The following ANKS1B variants were observed in gnomAD, a reference collection of about 807,000 sequenced individuals.
ANKS1B encodes the protein ankyrin repeat and sterile alpha motif domain containing 1B.
A neutral mutation model predicts 148.3 loss-of-function variants in ANKS1B; 36 were observed. The ratio of observed to expected loss-of-function variants is 0.24; its 90% CI spans 0.19 to 0.32. ANKS1B has a LOEUF of 0.32. Ranked by LOEUF, ANKS1B falls within the 10% of genes least tolerant of loss-of-function variation. ANKS1B has a pLI of 1.00. For missense variants in ANKS1B, 1,157 were observed against 1,542.6 expected, an observed-to-expected ratio of 0.75 and a Z score of 4.19; for synonymous variants, 542 against 560.8, an observed-to-expected ratio of 0.97 and a Z score of 0.47.
chr12:99,168,911 A>G lies in ANKS1B; in HGVS notation c.2420-14516T>C, dbSNP rs148739860. On this transcript the variant is annotated intron_variant, in intron 14 of 26. Coordinates refer to ENST00000683438, the MANE Select transcript of ANKS1B (RefSeq NM_001352186.2). ...GTCTGAAAACTGTCATAACTGCATT[A>G]AAATAAACCCATAATATTAGTTTAG... Among the ~76,000 whole-genome samples, 28 of 152,374 alleles carry G rather than the reference A, an allele frequency of 1.8e-4. No homozygotes were observed. In the East Asian group the frequency reaches 5.4e-3, roughly 29 times the overall value.
At chr12:99,088,502 T>G (rs2052759404) in intron 15 of ANKS1B, among the ~76,000 whole-genome samples, 1 of 152,206 alleles carries the variant, frequency 6.6e-6, no homozygotes, top group Non-Finnish European at 1.5e-5. Context: ...TTTCAGAATT[T>G]GTAACCTAAA....
chr12:99,565,945 G>A (rs1451945277), intron 9 of ANKS1B, among the ~76,000 whole-genome samples: 2 of 152,126 alleles, frequency 1.3e-5, no homozygotes, highest in Non-Finnish European at 2.9e-5. Context: ...GCCTCCTAGA[G>A]GCCCTCAGGT....
intron 9 of ANKS1B, among the ~76,000 whole-genome samples, chr12:99,519,726 T>G (rs1272939499): frequency 6.6e-6 from 1 of 152,076 alleles, no homozygotes; most frequent in African/African-American, 2.4e-5. Flanking sequence ...CATTCAGTAT[T>G]CTCTTCCCTC....
At chr12:98,788,069 G>A (rs1206522440) in intron 22 of ANKS1B, among the ~76,000 whole-genome samples, 4 of 151,970 alleles carry the variant, frequency 2.6e-5, no homozygotes, top group Non-Finnish European at 4.4e-5. Context: ...CCACAAATGT[G>A]ATTAGAGGGT....
At chr12:99,235,363 C>G (rs989487772) in intron 14 of ANKS1B, among the ~76,000 whole-genome samples, 1 of 152,114 alleles carries the variant, frequency 6.6e-6, no homozygotes, top group Non-Finnish European at 1.5e-5. Flanking sequence ...AGCACAGAAG[C>G]ACTCCTAGCT....
At chr12:99,433,023 G>C (rs909903643) in intron 11 of ANKS1B, among the ~76,000 whole-genome samples, 2 of 152,088 alleles carry the variant, frequency 1.3e-5, no homozygotes, top group Admixed American at 1.3e-4. Context: ...AGTTACAAAA[G>C]GACAAGAGCA....
intron 12 of ANKS1B, among the ~76,000 whole-genome samples, chr12:99,349,214 A>T (rs1194184601): frequency 6.6e-6 from 1 of 152,002 alleles, no homozygotes; most frequent in Non-Finnish European, 1.5e-5. Context: ...ACCAAAAGGG[A>T]TTACAAAAGG....
At chr12:99,080,584 G>A (rs2049359140) in intron 16 of ANKS1B, among the ~76,000 whole-genome samples, 1 of 152,180 alleles carries the variant, frequency 6.6e-6, no homozygotes, top group East Asian at 1.9e-4. Flanking sequence ...TGCGATATGA[G>A]CCTTGACACA....
chr12:99,064,488 A>G (rs1267942656), intron 16 of ANKS1B, among the ~76,000 whole-genome samples: 2 of 152,202 alleles, frequency 1.3e-5, no homozygotes, highest in African/African-American at 2.4e-5. Flanking sequence ...CGCCCTCTGG[A>G]CAAAGGCACT....
chr12:99,309,277 T>C (rs1459720146), intron 12 of ANKS1B, among the ~76,000 whole-genome samples: 3 of 152,070 alleles, frequency 2.0e-5, no homozygotes, highest in Admixed American at 6.6e-5. Context: ...CTTCCATTTA[T>C]TGTTTGCTAA....
At chr12:99,594,579 A>G (rs2097737646) in intron 9 of ANKS1B, among the ~76,000 whole-genome samples, 1 of 152,072 alleles carries the variant, frequency 6.6e-6, no homozygotes, top group South Asian at 2.1e-4. Flanking sequence ...ACATGGATGA[A>G]TCTTCAGGAC....
intron 19 of ANKS1B, among the ~76,000 whole-genome samples, chr12:98,821,609 T>G (rs1441707254): frequency 6.6e-6 from 1 of 152,192 alleles, no homozygotes; most frequent in East Asian, 1.9e-4. Flanking sequence ...AACGTAATAC[T>G]GAGACTTTTT....
At chr12:99,733,328 G>C (rs543841293) in intron 8 of ANKS1B, among the ~76,000 whole-genome samples, 29 of 152,242 alleles carry the variant, frequency 1.9e-4, no homozygotes, top group African/African-American at 7.0e-4. Flanking sequence ...AAGCTTAAGG[G>C]GCAAACCTGA....
intron 14 of ANKS1B, among the ~76,000 whole-genome samples, chr12:99,236,341 A>G (rs1215981161): frequency 2.0e-5 from 3 of 152,220 alleles, no homozygotes; most frequent in African/African-American, 4.8e-5. Flanking sequence ...TATAAAGAAA[A>G]GAGGTTTAAC....
At chr12:99,106,481 G>T (rs1489956120) in intron 15 of ANKS1B, among the ~76,000 whole-genome samples, 4 of 152,206 alleles carry the variant, frequency 2.6e-5, no homozygotes, top group Non-Finnish European at 5.9e-5. Context: ...TGTTTTAAGA[G>T]TGCTAAGCTT....
chr12:99,613,356 T>A (rs1025832352), intron 9 of ANKS1B, among the ~76,000 whole-genome samples: 1 of 152,128 alleles, frequency 6.6e-6, no homozygotes, highest in African/African-American at 2.4e-5. Flanking sequence ...TTGCTGGGTA[T>A]ATATCCAAAG....
At chr12:99,287,821 T>C (rs1395248522) in intron 12 of ANKS1B, among the ~76,000 whole-genome samples, 1 of 151,978 alleles carries the variant, frequency 6.6e-6, no homozygotes, top group Admixed American at 6.6e-5. Context: ...GAAGAAAGAA[T>C]TACTGAGCTT....
intron 1 of ANKS1B, among the ~76,000 whole-genome samples, chr12:99,842,064 A>C (rs1400008853): frequency 1.3e-5 from 2 of 152,020 alleles, no homozygotes; most frequent in Non-Finnish European, 2.9e-5. Context: ...ATTTAATTTT[A>C]TTCTTTCTTA....
chr12:99,933,107 G>A (rs1387227475), intron 1 of ANKS1B, among the ~76,000 whole-genome samples: 8 of 152,064 alleles, frequency 5.3e-5, no homozygotes, highest in Non-Finnish European at 7.4e-5. Flanking sequence ...TCTCTATTCT[G>A]TTCCATTGGT....
Sources: gnomAD v4.1 joint callset for allele counts (sites outside exome capture counted in the v4.1 genomes callset) on GRCh38, gnomAD v4.1.1 for gene constraint, MANE v1.5 for transcripts, NCBI Gene and HGNC (gene_info 2026-07-23, HGNC 2026-07-21) for gene names.